Variants in ADGRV1 observed in about 807,000 individuals in gnomAD.
ADGRV1 encodes G-protein coupled receptor 98.
ADGRV1 carries 359 observed loss-of-function variants against 596.2 expected under a neutral mutation model. That is an observed-to-expected ratio of 0.60 (90% CI 0.55 to 0.66). The LOEUF (loss-of-function observed/expected upper bound fraction) is 0.66. ADGRV1 is among the 30% of genes least tolerant of loss of function. ADGRV1 has a pLI of 0.00. For synonymous variants in ADGRV1, 2,681 were observed against 2,679.2 expected (o/e 1.00, Z -0.02); for missense variants, 7,274 against 7,575.6 (o/e 0.96, Z 1.48).
At position 90,965,429 on chromosome 5, in the gene ADGRV1, G is replaced by T. The variant is rs373800116; in HGVS notation, c.17871G>T (p.Ala5957=). The change falls in exon 84 of 90, where the codon GCG becomes GCT. Residue 5957 remains alanine, a synonymous_variant. Coordinates refer to ENST00000405460, the MANE Select transcript of ADGRV1 (RefSeq NM_032119.4). ...ASLGTQILFL[A]SAYASPQLAE... Reference sequence around the variant, plus strand: ...GTTTCTTACAGATTCTGTTTCTGGCGTCTGCATACGCAAGTCCCCAACTCG... The same window carrying T: ...GTTTCTTACAGATTCTGTTTCTGGCTTCTGCATACGCAAGTCCCCAACTCG... 1.9e-6 allele frequency: 3 copies of T among 1,609,384 alleles called. No homozygotes were observed. The highest frequency in any genetic ancestry group is 1.1e-5 in the South Asian group (1 of 90,956).
At chr5:90,774,520 T>C (rs1008993283) in intron 60 of ADGRV1, among the ~76,000 whole-genome samples, 1 of 152,168 alleles carries the variant, frequency 6.6e-6, no homozygotes. Flanking sequence ...TTCATACAGC[T>C]TAGCTGTGTA....
chr5:91,156,225 G>T (rs1796468344), intron 89 of ADGRV1, among the ~76,000 whole-genome samples: 1 of 152,136 alleles, frequency 6.6e-6, no homozygotes, highest in Non-Finnish European at 1.5e-5. Flanking sequence ...GGTTGATCTG[G>T]GAGACTGGAA....
At position 90,646,099 on chromosome 5, in the gene ADGRV1, T is replaced by C. The variant is rs375286987; in HGVS notation, c.3022+8T>C. On this transcript the variant is annotated splice_region_variant and intron_variant, in intron 16 of 89. Transcript: ENST00000405460. ...ACCCCATTTATTTTGCAGGTGGTAT[T>C]GCTGTCTTATTTGAATGAGTTTACA... 4.2e-4 allele frequency: 650 copies of C among 1,543,322 alleles called. 1 individual carries two copies. The highest frequency in any genetic ancestry group is 5.2e-4 in the Non-Finnish European group (597 of 1,143,606).
intron 82 of ADGRV1, among the ~76,000 whole-genome samples, chr5:90,859,902 A>AAGG (rs1301427930): frequency 6.6e-6 from 1 of 151,074 alleles, no homozygotes; most frequent in African/African-American, 2.4e-5. Context: ...CAACATAGCG[A>AAGG]GACCCTGTCT....
intron 29 of ADGRV1, among the ~76,000 whole-genome samples, chr5:90,687,081 G>C (rs571513020): frequency 1.3e-5 from 2 of 151,988 alleles, no homozygotes; most frequent in African/African-American, 2.4e-5. Flanking sequence ...TTGTAAATTT[G>C]TTTGAGTTCA....
intron 34 of ADGRV1, among the ~76,000 whole-genome samples, chr5:90,703,387 G>C (rs1265919165): frequency 7.2e-5 from 11 of 152,004 alleles, no homozygotes; most frequent in Admixed American, 7.2e-4. Context: ...GCATGTTTTG[G>C]AGTGTATAAA....
At chr5:90,750,166 TC>T (rs1427507388) in intron 52 of ADGRV1, among the ~76,000 whole-genome samples, 2 of 152,172 alleles carry the variant, frequency 1.3e-5, no homozygotes, top group Non-Finnish European at 2.9e-5. Flanking sequence ...GAAAAAGGCT[TC>T]CCTACTCTCC....
At position 90,823,425 on chromosome 5, in the gene ADGRV1, G is replaced by A; in HGVS notation, c.16197G>A (p.Arg5399=). Residue 5399 remains arginine (R), a splice_region_variant and synonymous_variant, in exon 76 of 90, where the codon AGG becomes AGA. Coordinates refer to ENST00000405460, the MANE Select transcript of ADGRV1 (RefSeq NM_032119.4). ...LHLIVTRQPN[R]AFEDVKVFWR... ...GCATTGGTGGGTTTCTTGCTCACAG[G>A]GCCTTTGAAGATGTCAAGGTCTTTT... The A allele has an allele frequency of 6.2e-7, 1 of 1,613,226 alleles. No individual in the cohort carries two copies. Among genetic ancestry groups the A allele is most frequent in the Non-Finnish European group, 8.5e-7 (1 of 1,179,662 alleles).
chr5:91,007,528 AC>A (rs1339018424), intron 85 of ADGRV1, among the ~76,000 whole-genome samples: 1 of 152,176 alleles, frequency 6.6e-6, no homozygotes, highest in Non-Finnish European at 1.5e-5. Context: ...TATCCTCAGA[AC>A]AGAGCATATA....
chr5:91,122,911 C>T lies in ADGRV1; in HGVS notation c.18432+20571C>T, dbSNP rs148691971. On this transcript the variant is annotated intron_variant, in intron 87 of 89. Coordinates refer to ENST00000405460, the MANE Select transcript of ADGRV1 (RefSeq NM_032119.4). Reference sequence around the variant, plus strand: ...GTCAGATGTGCTTCCTGCCAGGATACTGGCATTTTAAAGAGGGACTCCTAG... The same window carrying T: ...GTCAGATGTGCTTCCTGCCAGGATATTGGCATTTTAAAGAGGGACTCCTAG... Among the ~76,000 whole-genome samples, 261 of 152,344 alleles carry T rather than the reference C, an allele frequency of 1.7e-3. 2 individuals carry two copies. Among genetic ancestry groups the T allele is most frequent in the African/African-American group, 6.1e-3 (252 of 41,582 alleles).
At chr5:91,046,618 A>G (rs1254387439) in intron 85 of ADGRV1, among the ~76,000 whole-genome samples, 1 of 152,236 alleles carries the variant, frequency 6.6e-6, no homozygotes, top group Non-Finnish European at 1.5e-5. Flanking sequence ...CAAGGATTTC[A>G]TGACCAAGAA....
intron 83 of ADGRV1, among the ~76,000 whole-genome samples, chr5:90,911,315 G>T (rs918052515): frequency 6.6e-6 from 1 of 152,122 alleles, no homozygotes; most frequent in African/African-American, 2.4e-5. Context: ...GACAGACAAT[G>T]AGCCATCTAG....
At chr5:90,822,704 A>G (rs540411722) in intron 75 of ADGRV1, among the ~76,000 whole-genome samples, 59 of 152,290 alleles carry the variant, frequency 3.9e-4, no homozygotes, top group African/African-American at 1.3e-3. Flanking sequence ...CATTGAATCT[A>G]TAAATTACCT....
At chr5:91,005,034 T>A (rs2151120854) in intron 85 of ADGRV1, among the ~76,000 whole-genome samples, 1 of 152,310 alleles carries the variant, frequency 6.6e-6, no homozygotes, top group South Asian at 2.1e-4. Context: ...ACATATTTTT[T>A]AAATTGTTGT....
chr5:90,955,117 A>G (rs1269371872), intron 83 of ADGRV1, among the ~76,000 whole-genome samples: 1 of 152,100 alleles, frequency 6.6e-6, no homozygotes, highest in South Asian at 2.1e-4. Flanking sequence ...CAAACCAGGA[A>G]GTGGGTCCTC....
chr5:90,753,642 G>T lies in ADGRV1; in HGVS notation c.11190G>T (p.Glu3730Asp), dbSNP rs1249633790. 6.2e-7 allele frequency: 1 copy of T among 1,612,502 alleles called. No individual in the cohort carries two copies. Among genetic ancestry groups the T allele is most frequent in the Non-Finnish European group, 8.5e-7 (1 of 1,178,638 alleles). Residue 3730 changes from glutamate to aspartate, a missense_variant, in exon 54 of 90, where the codon GAG becomes GAT. Physicochemically the swap from Glu to Asp is conservative, Grantham distance 45 (BLOSUM62 2). Coordinates refer to ENST00000405460, the MANE Select transcript of ADGRV1 (RefSeq NM_032119.4). ...TLTILADNIP[E>D]LSEVVIVTLT... ...CTATTCTTGCTGATAATATACCAGA[G>T]TTATCAGAGGTTGTGATTGTAACCC...
intron 20 of ADGRV1, chr5:90,655,562 C>T (rs1278873335): frequency 6.6e-6 from 1 of 152,030 alleles, no homozygotes; most frequent in Non-Finnish European, 1.5e-5. Flanking sequence ...GAGCACATTC[C>T]TGGGGATGGA....
chr5:91,043,467 G>A (rs1785534675), intron 85 of ADGRV1, among the ~76,000 whole-genome samples: 1 of 152,094 alleles, frequency 6.6e-6, no homozygotes, highest in Non-Finnish European at 1.5e-5. Flanking sequence ...GTTCAGAGAA[G>A]CAGTGTGCAC....
chr5:90,562,772 C>A (rs1465925702), intron 1 of ADGRV1, among the ~76,000 whole-genome samples: 1 of 152,146 alleles, frequency 6.6e-6, no homozygotes, highest in African/African-American at 2.4e-5. Flanking sequence ...GTAATACTCA[C>A]AAAATTATTA....
Sources: allele counts gnomAD v4.1 joint callset (sites outside exome capture counted in the v4.1 genomes callset), GRCh38; gene constraint gnomAD v4.1.1; transcripts MANE v1.5; gene names NCBI Gene and HGNC (gene_info 2026-07-23, HGNC 2026-07-21).